The following ARID1B variants were observed in gnomAD, a reference collection of about 807,000 sequenced individuals.
The protein encoded by ARID1B is AT-rich interaction domain 1B.
Under a neutral mutation model 212.3 loss-of-function variants are expected in ARID1B, and 30 were observed. The ratio of observed to expected loss-of-function variants is 0.14; its 90% confidence interval spans 0.11 to 0.19. ARID1B has a LOEUF of 0.19. Among genes scored for constraint, ARID1B ranks in the 10% least tolerant of loss-of-function variants. The pLI, the probability that ARID1B is intolerant of heterozygous loss-of-function variation, is 1.00. For synonymous variants in ARID1B, 1,402 were observed against 1,301.7 expected (o/e 1.08, Z -1.66); for missense variants, 2,891 against 3,204.0 (o/e 0.90, Z 2.36).
At chr6:157,028,075 G>C (rs773291015) in intron 4 of ARID1B, among the ~76,000 whole-genome samples, 1 of 152,148 alleles carries the variant, frequency 6.6e-6, no homozygotes, top group African/African-American at 2.4e-5. Context: ...GTGTGTGTGT[G>C]TGTAAATGGT....
chr6:157,028,791 ATTC>A (rs1430444386), intron 4 of ARID1B, among the ~76,000 whole-genome samples: 5 of 152,204 alleles, frequency 3.3e-5, no homozygotes, highest in Non-Finnish European at 7.3e-5. Flanking sequence ...GAGTGCCGCT[ATTC>A]TTCTGTAGAA....
intron 1 of ARID1B, among the ~76,000 whole-genome samples, chr6:156,783,502 A>G (rs531171584): frequency 6.6e-6 from 1 of 152,270 alleles, no homozygotes; most frequent in South Asian, 2.1e-4. Flanking sequence ...TTTTTTATTA[A>G]TAGACTTTAT....
intron 4 of ARID1B, chr6:157,023,050 A>G (rs1473988996): frequency 6.6e-6 from 1 of 152,220 alleles, no homozygotes; most frequent in Non-Finnish European, 1.5e-5. Flanking sequence ...CAGATTTTAT[A>G]AAAATAATAG....
intron 2 of ARID1B, among the ~76,000 whole-genome samples, chr6:156,867,958 G>A (rs1466237424): frequency 6.6e-6 from 1 of 152,220 alleles, no homozygotes; most frequent in Non-Finnish European, 1.5e-5. Flanking sequence ...TTGTCATTGA[G>A]CATGGCTGCT....
At chr6:156,822,315 T>C (rs535563229) in intron 1 of ARID1B, among the ~76,000 whole-genome samples, 1 of 152,356 alleles carries the variant, frequency 6.6e-6, no homozygotes, top group African/African-American at 2.4e-5. Flanking sequence ...TTGTTGTGAG[T>C]TGAAGTAAAA....
intron 16 of ARID1B, among the ~76,000 whole-genome samples, chr6:157,198,188 A>G (rs1793865373): frequency 6.6e-6 from 1 of 152,222 alleles, no homozygotes; most frequent in Non-Finnish European, 1.5e-5. Context: ...ATAGGTGTAC[A>G]TTTGAATCAT....
Position 156,777,799 on chromosome 6 carries a change from T to A in ARID1B, c.119T>A (p.Leu40Gln). The change falls in exon 1 of 20, where the codon CTG becomes CAG. Residue 40 changes from leucine to glutamine, a missense_variant. Around this residue, in one of 7 missense-constraint regions of ARID1B, gnomAD observed 1,643 missense variants for 1,544.0 expected, o/e 1.06. Coordinates refer to ENST00000636930, the MANE Select transcript of ARID1B (RefSeq NM_001374828.1). The stretch of plus-strand genomic sequence containing the variant: ...CGGCCGGCGCCCGGAGCCCGGGACC[T>A]GGAGGCGGGGGCGCGCGGCGCGGCG... ...GPRPAPGARDLEAGARGAAAA... is the reference protein window; with the variant it reads ...GPRPAPGARDQEAGARGAAAA... 2.1e-6 allele frequency: 2 copies of A among 956,096 alleles called. No homozygotes were observed. Among genetic ancestry groups the A allele is most frequent in the South Asian group, 9.3e-5 (2 of 21,404 alleles). 59.2% of individuals were successfully genotyped at this position (956,096 alleles called of 1,614,324 possible).
At chr6:157,138,569 C>T (rs992908201) in intron 7 of ARID1B, among the ~76,000 whole-genome samples, 2 of 152,154 alleles carry the variant, frequency 1.3e-5, no homozygotes, top group African/African-American at 4.8e-5. Context: ...AGCTGCTCTT[C>T]TGCAGATGTG....
At chr6:156,836,987 G>T (rs1783557840) in intron 2 of ARID1B, among the ~76,000 whole-genome samples, 1 of 152,172 alleles carries the variant, frequency 6.6e-6, no homozygotes, top group Non-Finnish European at 1.5e-5. Flanking sequence ...TTAAAGTCTT[G>T]TTATTTCAGC....
At chr6:157,129,264 C>T (rs1212562529) in intron 6 of ARID1B, among the ~76,000 whole-genome samples, 1 of 152,224 alleles carries the variant, frequency 6.6e-6, no homozygotes, top group Non-Finnish European at 1.5e-5. Flanking sequence ...AAGCTGTATT[C>T]AATACCCACT....
chr6:157,143,486 T>TG (rs148727916), intron 7 of ARID1B, among the ~76,000 whole-genome samples: 3,986 of 147,868 alleles, frequency 0.027, 180 homozygotes, highest in African/African-American at 0.092. Flanking sequence ...TTTTAAAAGA[T>TG]GGGGGGGGTG....
intron 4 of ARID1B, among the ~76,000 whole-genome samples, chr6:157,021,818 C>A (rs942407865): frequency 1.4e-4 from 22 of 152,092 alleles, no homozygotes; most frequent in African/African-American, 5.3e-4. Flanking sequence ...GCTTCGCGTA[C>A]ACATGAGCCG....
intron 2 of ARID1B, among the ~76,000 whole-genome samples, chr6:156,868,057 T>G (rs1472098394): frequency 6.6e-6 from 1 of 152,202 alleles, no homozygotes; most frequent in Non-Finnish European, 1.5e-5. Flanking sequence ...ATCCTACCTT[T>G]CTATGAGGAA....
intron 4 of ARID1B, among the ~76,000 whole-genome samples, chr6:156,970,820 C>A (rs1776873362): frequency 6.6e-6 from 1 of 152,196 alleles, no homozygotes; most frequent in Admixed American, 6.5e-5. Context: ...GGAGAGGGGG[C>A]CCATCTTATG....
At chr6:157,170,778 C>A (rs765291675) in intron 9 of ARID1B, among the ~76,000 whole-genome samples, 1 of 152,102 alleles carries the variant, frequency 6.6e-6, no homozygotes, top group African/African-American at 2.4e-5. Context: ...AGGGTCCTCC[C>A]GGTCAGGGCT....
chr6:156,793,335 A>G (rs1780139850), intron 1 of ARID1B, among the ~76,000 whole-genome samples: 1 of 152,010 alleles, frequency 6.6e-6, no homozygotes, highest in African/African-American at 2.4e-5. Context: ...TCAGCAGCTG[A>G]GCATTGTGGG....
At chr6:156,826,482 C>A (rs1323176216) in intron 1 of ARID1B, among the ~76,000 whole-genome samples, 3 of 152,148 alleles carry the variant, frequency 2.0e-5, no homozygotes, top group Non-Finnish European at 4.4e-5. Flanking sequence ...GGGCACAACG[C>A]ACATAGTAGG....
chr6:156,957,731 TAGA>T (rs140410027), intron 4 of ARID1B, among the ~76,000 whole-genome samples: 2,310 of 152,318 alleles, frequency 0.015, 63 homozygotes, highest in African/African-American at 0.053. Flanking sequence ...ATTTCATAGT[TAGA>T]ATCTGGTAAT....
intron 5 of ARID1B, among the ~76,000 whole-genome samples, chr6:157,109,310 T>C (rs1239864561): frequency 6.6e-6 from 1 of 152,234 alleles, no homozygotes; most frequent in Non-Finnish European, 1.5e-5. Flanking sequence ...TGTAATTCTT[T>C]TGAGCAATAT....
Sources: gnomAD v4.1 joint callset for allele counts (sites outside exome capture counted in the v4.1 genomes callset) on GRCh38, gnomAD v4.1.1 for gene constraint, gnomAD v4.1.1 regional missense constraint, MANE v1.5 for transcripts, NCBI Gene and HGNC (gene_info 2026-07-23, HGNC 2026-07-21) for gene names.